The following CNTN5 variants were observed in gnomAD, a reference collection of about 807,000 sequenced individuals.
CNTN5 encodes contactin 5.
CNTN5 carries 77 observed loss-of-function variants against 129.1 expected under a neutral mutation model. The observed-to-expected ratio is 0.60, with a 90% CI of 0.50 to 0.72. The LOEUF is 0.72. Among genes scored for constraint, CNTN5 ranks in the 30% least tolerant of loss-of-function variants. The pLI is 0.00. For synonymous variants in CNTN5, 509 were observed against 465.6 expected, an observed-to-expected ratio of 1.09 and a Z score of -1.20; for missense variants, 1,478 against 1,328.8, an observed-to-expected ratio of 1.11 and a Z score of -1.75.
chr11:99,371,187 G>T (rs1939799339), intron 2 of CNTN5, among the ~76,000 whole-genome samples: 1 of 152,032 alleles, frequency 6.6e-6, no homozygotes, highest in African/African-American at 2.4e-5. Context: ...GGTAAGAAAA[G>T]TTAACTAATA....
intron 21 of CNTN5, among the ~76,000 whole-genome samples, chr11:100,319,431 G>T (rs1021733346): frequency 6.6e-6 from 1 of 152,108 alleles, no homozygotes; most frequent in Admixed American, 6.5e-5. Context: ...GGGATTACAG[G>T]CATGAGCCAC....
chr11:99,127,541 T>C (rs968354543), intron 1 of CNTN5, among the ~76,000 whole-genome samples: 4 of 152,192 alleles, frequency 2.6e-5, no homozygotes, highest in Non-Finnish European at 5.9e-5. Flanking sequence ...CTCCATTGCA[T>C]AAGACAGTCC....
intron 3 of CNTN5, among the ~76,000 whole-genome samples, chr11:99,710,566 C>CAT (rs1954937220): frequency 1.3e-5 from 1 of 78,126 alleles, no homozygotes; most frequent in South Asian, 4.2e-4. Context: ...TGTGTGTGTG[C>CAT]ATGTGTGTGT....
chr11:99,706,660 T>C (rs1406880970), intron 3 of CNTN5, among the ~76,000 whole-genome samples: 1 of 151,438 alleles, frequency 6.6e-6, no homozygotes, highest in African/African-American at 2.4e-5. Flanking sequence ...TAGAAGTCAC[T>C]TTTAAACAAT....
chr11:99,497,117 C>T (rs558718582), intron 2 of CNTN5, among the ~76,000 whole-genome samples: 1 of 152,184 alleles, frequency 6.6e-6, no homozygotes, highest in African/African-American at 2.4e-5. Context: ...GGGCATACCA[C>T]ATGAAAGCAT....
chr11:99,848,805 A>G (rs752941524), intron 6 of CNTN5, among the ~76,000 whole-genome samples: 3 of 152,202 alleles, frequency 2.0e-5, no homozygotes, highest in Non-Finnish European at 2.9e-5. Context: ...TCTAAAGTCA[A>G]ACATGAAGGA....
intron 13 of CNTN5, among the ~76,000 whole-genome samples, chr11:100,097,657 G>A (rs905122326): frequency 1.6e-4 from 24 of 152,206 alleles, no homozygotes; most frequent in African/African-American, 5.3e-4. Context: ...TATAGGGAAT[G>A]AAAGATGATG....
intron 1 of CNTN5, among the ~76,000 whole-genome samples, chr11:99,095,683 A>T (rs1435385704): frequency 6.6e-6 from 1 of 151,888 alleles, no homozygotes; most frequent in East Asian, 1.9e-4. Flanking sequence ...GCTTATATGC[A>T]TATTTGGATT....
intron 13 of CNTN5, among the ~76,000 whole-genome samples, chr11:100,107,982 G>A (rs1287851656): frequency 7.5e-6 from 1 of 133,552 alleles, no homozygotes; most frequent in African/African-American, 2.9e-5. Context: ...GAATAGTGGG[G>A]ATAATTTTTT....
intron 1 of CNTN5, among the ~76,000 whole-genome samples, chr11:99,248,139 T>C (rs937941522): frequency 1.3e-5 from 2 of 152,192 alleles, no homozygotes; most frequent in Non-Finnish European, 2.9e-5. Context: ...TCCTGACGTT[T>C]TAATGATCAC....
intron 1 of CNTN5, among the ~76,000 whole-genome samples, chr11:99,089,049 A>G (rs1457273156): frequency 6.6e-6 from 1 of 152,176 alleles, no homozygotes; most frequent in African/African-American, 2.4e-5. Flanking sequence ...AAAAAATTGA[A>G]TTGGACATTA....
At chr11:99,344,243 G>A (rs886910982) in intron 2 of CNTN5, among the ~76,000 whole-genome samples, 2 of 152,110 alleles carry the variant, frequency 1.3e-5, no homozygotes, top group African/African-American at 2.4e-5. Context: ...TTAAGGATCT[G>A]TATTTTCAAA....
intron 1 of CNTN5, among the ~76,000 whole-genome samples, chr11:99,037,579 T>TTC (rs202001152): frequency 0.038 from 4,878 of 129,744 alleles, 221 homozygotes; most frequent in East Asian, 0.18. Context: ...TTCTTTTCTT[T>TTC]TTTTTTTTTT....
intron 13 of CNTN5, among the ~76,000 whole-genome samples, chr11:100,081,174 A>G (rs1448193653): frequency 6.6e-6 from 1 of 152,122 alleles, no homozygotes; most frequent in Non-Finnish European, 1.5e-5. Context: ...TTAAAATATA[A>G]AGCATTAGCA....
At chr11:99,700,472 G>C (rs1479727066) in intron 3 of CNTN5, among the ~76,000 whole-genome samples, 1 of 151,370 alleles carries the variant, frequency 6.6e-6, no homozygotes, top group Non-Finnish European at 1.5e-5. Context: ...AGGCTATGCA[G>C]ACATACATTA....
chr11:100,294,485 G>T (rs1951062961), intron 18 of CNTN5, among the ~76,000 whole-genome samples: 1 of 151,640 alleles, frequency 6.6e-6, no homozygotes, highest in Non-Finnish European at 1.5e-5. Flanking sequence ...TAATGGATGA[G>T]CTTTGCTCAG....
chr11:100,300,352 T>TG (rs1236344658), intron 20 of CNTN5, among the ~76,000 whole-genome samples: 1 of 151,296 alleles, frequency 6.6e-6, no homozygotes, highest in Non-Finnish European at 1.5e-5. Context: ...ACCTTACAAG[T>TG]GGGGGAAAAA....
At chr11:99,710,866 A>C (rs2134954028) in intron 3 of CNTN5, among the ~76,000 whole-genome samples, 1 of 152,052 alleles carries the variant, frequency 6.6e-6, no homozygotes, top group East Asian at 1.9e-4. Context: ...GTATCAACTT[A>C]GTTACTAAAA....
chr11:99,238,498 T>A (rs1861388011), intron 1 of CNTN5, among the ~76,000 whole-genome samples: 1 of 152,148 alleles, frequency 6.6e-6, no homozygotes, highest in Non-Finnish European at 1.5e-5. Context: ...TAAGAAATTT[T>A]TTGAAACAAC....
Sources: gnomAD v4.1 joint callset for allele counts (sites outside exome capture counted in the v4.1 genomes callset) on GRCh38, gnomAD v4.1.1 for gene constraint, MANE v1.5 for transcripts, NCBI Gene and HGNC (gene_info 2026-07-23, HGNC 2026-07-21) for gene names.